ARHGEF7: variants seen among roughly 807,000 people sequenced by gnomAD.
ARHGEF7 encodes Rho guanine nucleotide exchange factor 7.
In ARHGEF7, 33 loss-of-function variants were observed where a neutral mutation model predicts 109.8. That is an observed-to-expected ratio of 0.30 (90% CI 0.23 to 0.40). The LOEUF is 0.40. Among genes scored for constraint, ARHGEF7 ranks in the 10% least tolerant of loss-of-function variants. ARHGEF7 has a pLI of 1.00. For synonymous variants in ARHGEF7, 458 were observed against 424.6 expected (o/e 1.08, Z -0.97); for missense variants, 938 against 1,098.5 (o/e 0.85, Z 2.07).
Position 111,126,439 on chromosome 13 carries a change from G to A in ARHGEF7, c.165+10748G>A, listed in dbSNP as rs1257048457. ...CGAGAGACAGTGGTTGCAGTGAGCC[G>A]AGATCGTGCCACTGCACTCCAGCCT... On this transcript the variant is annotated intron_variant, in intron 1 of 21. Transcript: ENST00000646102. Among the ~76,000 whole-genome samples, 11 of 151,052 alleles carry A rather than the reference G, an allele frequency of 7.3e-5. No individual in the cohort carries two copies. The East Asian group carries it at 2.0e-3, about 27-fold the overall frequency.
chr13:111,238,542 G>A (rs533512201), intron 6 of ARHGEF7, among the ~76,000 whole-genome samples: 1 of 152,336 alleles, frequency 6.6e-6, no homozygotes, highest in East Asian at 1.9e-4. Context: ...TGTGAAAGCT[G>A]TAGCCAAGGT....
intron 2 of ARHGEF7, among the ~76,000 whole-genome samples, chr13:111,159,454 C>G (rs1210890415): frequency 6.6e-6 from 1 of 152,194 alleles, no homozygotes; most frequent in Non-Finnish European, 1.5e-5. Flanking sequence ...TTTGGAGGAA[C>G]CTCCATACTG....
chr13:111,165,831 T>C (rs987932168), intron 2 of ARHGEF7, among the ~76,000 whole-genome samples: 1 of 152,204 alleles, frequency 6.6e-6, no homozygotes, highest in Non-Finnish European at 1.5e-5. Context: ...TAAGTTCTCA[T>C]GAGACTCAAA....
chr13:111,246,371 G>A (rs979281483), intron 8 of ARHGEF7, among the ~76,000 whole-genome samples: 14 of 152,246 alleles, frequency 9.2e-5, no homozygotes, highest in African/African-American at 2.2e-4. Flanking sequence ...GGTTTTGAAC[G>A]TGGTGAGGGA....
chr13:111,256,198 A>G (rs1030828286), intron 8 of ARHGEF7, among the ~76,000 whole-genome samples: 2 of 152,208 alleles, frequency 1.3e-5, no homozygotes, highest in Admixed American at 6.5e-5. Context: ...GGCATAAACC[A>G]AAGAAGGCAG....
chr13:111,285,410 T>A (rs2092976566), intron 16 of ARHGEF7, among the ~76,000 whole-genome samples: 1 of 152,216 alleles, frequency 6.6e-6, no homozygotes, highest in African/African-American at 2.4e-5. Context: ...CTTTTTTTGA[T>A]ATCGGTATTT....
chr13:111,200,338 T>TA, intron 2 of ARHGEF7, among the ~76,000 whole-genome samples: 1 of 152,166 alleles, frequency 6.6e-6, no homozygotes, highest in Non-Finnish European at 1.5e-5. Flanking sequence ...CATTTTTTTT[T>TA]CTCTTATTGT....
intron 1 of ARHGEF7, among the ~76,000 whole-genome samples, chr13:111,128,805 T>C (rs376732445): frequency 1.3e-4 from 20 of 152,238 alleles, no homozygotes; most frequent in African/African-American, 3.9e-4. Context: ...TAAGCTGTTC[T>C]ATTCATATTG....
At chr13:111,279,513 C>G (rs2092671740) in intron 13 of ARHGEF7, among the ~76,000 whole-genome samples, 1 of 152,270 alleles carries the variant, frequency 6.6e-6, no homozygotes, top group African/African-American at 2.4e-5. Context: ...TGCTCCGCAG[C>G]TGATGGAGTG....
At chr13:111,232,290 T>C (rs149251676) in intron 5 of ARHGEF7, among the ~76,000 whole-genome samples, 1 of 152,026 alleles carries the variant, frequency 6.6e-6, no homozygotes, top group East Asian at 1.9e-4. Flanking sequence ...TCTGCAGAAC[T>C]AATGGTAAAG....
At position 111,241,106 on chromosome 13, in the gene ARHGEF7, A is replaced by G. The variant is rs2087698640; in HGVS notation, c.760-2766A>G. ...TTGAGTGGCACCAGTGTTTGACTGC[A>G]CTTGCCTCTCCATGCCTCGTGACCC... On this transcript the variant is annotated intron_variant, in intron 6 of 21. Transcript: ENST00000646102. The G allele has an allele frequency of 3.3e-6, 5 of 1,498,826 alleles. No individual in the cohort carries two copies. In the South Asian group the frequency reaches 4.0e-5, roughly 12 times the overall value. 92.8% of individuals were successfully genotyped at this position (1,498,826 alleles called of 1,614,324 possible). A position where few individuals can be genotyped will look rare whatever the true frequency, so the allele number is the denominator to read the frequency against.
rs147434721 is a variant in ARHGEF7, at chr13:111,207,166, A to G, written c.337+1793A>G. On this transcript the variant is annotated intron_variant, in intron 3 of 21. Transcript: ENST00000646102. ...AAACTCATATTCATCCATGCCTCAG[A>G]GTTTTGAATTATTTTTTATGGAGGC... Among the ~76,000 whole-genome samples, 540 of 152,058 alleles carry G rather than the reference A, an allele frequency of 3.6e-3. 2 individuals are homozygous for G. Among genetic ancestry groups the G allele is most frequent in the Middle Eastern group, 0.01 (3 of 294 alleles).
intron 18 of ARHGEF7, among the ~76,000 whole-genome samples, chr13:111,290,620 C>T (rs1426159723): frequency 2.0e-5 from 3 of 152,258 alleles, no homozygotes; most frequent in African/African-American, 4.8e-5. Context: ...TGCGGCTTCA[C>T]GGCCCCTGGC....
intron 8 of ARHGEF7, among the ~76,000 whole-genome samples, chr13:111,262,515 T>C (rs1308112794): frequency 6.6e-6 from 1 of 152,142 alleles, no homozygotes; most frequent in Non-Finnish European, 1.5e-5. Flanking sequence ...GGCTGCTGGG[T>C]TCCTTGCGGC....
chr13:111,172,129 G>A (rs1384604022), intron 2 of ARHGEF7, among the ~76,000 whole-genome samples: 2 of 152,170 alleles, frequency 1.3e-5, no homozygotes, highest in Admixed American at 6.5e-5. Context: ...CTTGACGAGG[G>A]GCTGGTACTC....
intron 1 of ARHGEF7, among the ~76,000 whole-genome samples, chr13:111,138,085 A>G (rs899634262): frequency 2.0e-5 from 3 of 152,042 alleles, no homozygotes; most frequent in Non-Finnish European, 2.9e-5. Context: ...AGGCTGAGGC[A>G]GGAAGATCAC....
chr13:111,142,941 T>G lies in ARHGEF7; in HGVS notation c.166-10964T>G, dbSNP rs751000974. On this transcript the variant is annotated intron_variant, in intron 1 of 21. Transcript: ENST00000646102. ...AACACAGCTTTGAAGCAAAGACTCT[T>G]GAGTGGGAAAGGCCAGGAACAAAAC... Among the ~76,000 whole-genome samples, 3 of 151,936 alleles carry G rather than the reference T, an allele frequency of 2.0e-5. No homozygotes were observed. In the South Asian group the frequency reaches 6.2e-4, roughly 32 times the overall value.
At chr13:111,140,977 A>G (rs2075318182) in intron 1 of ARHGEF7, among the ~76,000 whole-genome samples, 1 of 152,154 alleles carries the variant, frequency 6.6e-6, no homozygotes, top group African/African-American at 2.4e-5. Context: ...GGCATGAACT[A>G]CCACACCCAG....
intron 1 of ARHGEF7, chr13:111,116,551 G>T: frequency 9.4e-6 from 1 of 106,464 alleles, no homozygotes. Flanking sequence ...TTCCCAGGGT[G>T]TTTCTTCGGG....
Sources: gnomAD v4.1 joint callset for allele counts (sites outside exome capture counted in the v4.1 genomes callset) on GRCh38, gnomAD v4.1.1 for gene constraint, MANE v1.5 for transcripts, NCBI Gene and HGNC (gene_info 2026-07-23, HGNC 2026-07-21) for gene names.